The following ARHGEF3 variants were observed in gnomAD, a reference collection of about 807,000 sequenced individuals.
ARHGEF3 encodes Rho guanine nucleotide exchange factor 3.
In ARHGEF3, 28 loss-of-function variants were observed where a neutral mutation model predicts 63.2. The observed-to-expected ratio is 0.44, with a 90% confidence interval of 0.33 to 0.61. The LOEUF is 0.61. Among genes scored for constraint, ARHGEF3 ranks in the 20% least tolerant of loss-of-function variants. The probability of loss-of-function intolerance (pLI) is 0.03; values close to 1 mark genes in which losing one functional copy is unlikely to be tolerated. For synonymous variants in ARHGEF3, 266 were observed against 254.2 expected, an observed-to-expected ratio of 1.05 and a Z score of -0.44; for missense variants, 533 against 659.3, an observed-to-expected ratio of 0.81 and a Z score of 2.10.
At chr3:56,989,635 A>G (rs1701671847) in intron 2 of ARHGEF3, among the ~76,000 whole-genome samples, 1 of 152,164 alleles carries the variant, frequency 6.6e-6, no homozygotes, top group Admixed American at 6.5e-5. Context: ...ACTCAAGCCC[A>G]GGACAGCACT....
chr3:56,858,819 G>T (rs2039971167), intron 4 of ARHGEF3, among the ~76,000 whole-genome samples: 1 of 151,642 alleles, frequency 6.6e-6, no homozygotes, highest in South Asian at 2.1e-4. Flanking sequence ...GGGAAATGAG[G>T]TTGGCAGGTG....
At chr3:56,793,880 T>C (rs1307097518) in intron 1 of ARHGEF3, among the ~76,000 whole-genome samples, 1 of 152,254 alleles carries the variant, frequency 6.6e-6, no homozygotes, top group Non-Finnish European at 1.5e-5. Flanking sequence ...ATTAGTGTAC[T>C]TCTCTTGTCT....
intron 3 of ARHGEF3, among the ~76,000 whole-genome samples, chr3:56,958,509 T>C (rs954745965): frequency 1.3e-5 from 2 of 151,916 alleles, no homozygotes; most frequent in Non-Finnish European, 2.9e-5. Flanking sequence ...TCATATTTTT[T>C]TTTGTAGAGT....
chr3:56,867,814 T>C (rs1392616326), intron 4 of ARHGEF3, among the ~76,000 whole-genome samples: 2 of 152,076 alleles, frequency 1.3e-5, no homozygotes, highest in East Asian at 1.9e-4. Context: ...AGTCTAAGAA[T>C]ATTTGAGCAG....
intron 2 of ARHGEF3, among the ~76,000 whole-genome samples, chr3:57,020,759 G>A (rs1391105863): frequency 2.0e-5 from 3 of 152,224 alleles, no homozygotes; most frequent in Non-Finnish European, 2.9e-5. Flanking sequence ...CACCATGCCT[G>A]AGGCTATCTA....
At chr3:56,958,152 T>A (rs1336986103) in intron 3 of ARHGEF3, among the ~76,000 whole-genome samples, 1 of 152,106 alleles carries the variant, frequency 6.6e-6, no homozygotes, top group African/African-American at 2.4e-5. Flanking sequence ...CATTTCTGAT[T>A]TCTTTTTTCC....
chr3:56,810,578 T>C (rs2108002097), intron 4 of ARHGEF3, among the ~76,000 whole-genome samples: 1 of 152,242 alleles, frequency 6.6e-6, no homozygotes, highest in Admixed American at 6.5e-5. Context: ...TTAAATTATA[T>C]GATCAATTGT....
chr3:56,974,887 G>A (rs1451185445), intron 2 of ARHGEF3, among the ~76,000 whole-genome samples: 14 of 152,118 alleles, frequency 9.2e-5, no homozygotes, highest in African/African-American at 3.4e-4. Flanking sequence ...GTTCTTTCCC[G>A]AGAGTGTATT....
chr3:56,884,313 G>A (rs2040854822), intron 3 of ARHGEF3, among the ~76,000 whole-genome samples: 1 of 152,148 alleles, frequency 6.6e-6, no homozygotes, highest in Admixed American at 6.5e-5. Context: ...TGTGAGGGAG[G>A]TCTTCCCAGA....
intron 4 of ARHGEF3, among the ~76,000 whole-genome samples, chr3:56,866,160 G>A: frequency 6.6e-6 from 1 of 152,158 alleles, no homozygotes; most frequent in South Asian, 2.1e-4. Flanking sequence ...GTGAGATCCT[G>A]TCTCAAAACA....
intron 7 of ARHGEF3, among the ~76,000 whole-genome samples, chr3:56,739,011 C>T (rs2033829674): frequency 6.6e-6 from 1 of 152,104 alleles, no homozygotes; most frequent in African/African-American, 2.4e-5. Flanking sequence ...GGGAAAATCG[C>T]TTGAACCTGG....
intron 6 of ARHGEF3, among the ~76,000 whole-genome samples, chr3:56,747,566 G>A (rs533270235): frequency 5.3e-5 from 8 of 152,276 alleles, no homozygotes; most frequent in South Asian, 2.1e-4. Flanking sequence ...GGCCGGGTGC[G>A]GTGGTTCACG....
rs186920003 is a variant in ARHGEF3, at chr3:56,941,760, C to T, written c.129+17063G>A. On this transcript the variant is annotated intron_variant, in intron 3 of 12. Transcript: ENST00000338458. ...ACTCCATATTGTTGTTCATCAGTGA[C>T]GAGACTTCTTTCTATGTATATATTA... is the stretch of plus-strand genomic sequence containing the variant. Among the ~76,000 whole-genome samples the T allele has an allele frequency of 1.4e-4, 21 of 152,244 alleles. 1 individual carries two copies. Among genetic ancestry groups the T allele is most frequent in the African/African-American group, 4.3e-4 (18 of 41,530 alleles).
At chr3:57,057,715 G>A (rs963410190) in intron 1 of ARHGEF3, among the ~76,000 whole-genome samples, 3 of 152,118 alleles carry the variant, frequency 2.0e-5, no homozygotes, top group African/African-American at 7.2e-5. Context: ...AATTTGAGTG[G>A]TCAACTCATT....
chr3:56,957,977 T>C (rs1486278828), intron 3 of ARHGEF3, among the ~76,000 whole-genome samples: 1 of 152,160 alleles, frequency 6.6e-6, no homozygotes, highest in Non-Finnish European at 1.5e-5. Context: ...CATCAAGAAG[T>C]TCAATCTGAC....
chr3:56,992,255 T>A, intron 2 of ARHGEF3, among the ~76,000 whole-genome samples: 1 of 150,624 alleles, frequency 6.6e-6, no homozygotes, highest in African/African-American at 2.4e-5. Context: ...TGTACAAGAG[T>A]CAGAGAAAAA....
At chr3:56,907,085 G>A (rs1351143977) in intron 3 of ARHGEF3, among the ~76,000 whole-genome samples, 1 of 146,068 alleles carries the variant, frequency 6.8e-6, no homozygotes, top group African/African-American at 2.5e-5. Context: ...GGGTTCAAGT[G>A]ATTCTCCTGC....
intron 2 of ARHGEF3, among the ~76,000 whole-genome samples, chr3:57,028,542 T>G (rs1314441052): frequency 1.2e-5 from 1 of 82,604 alleles, no homozygotes; most frequent in African/African-American, 4.9e-5. Flanking sequence ...GGGACTGTGG[T>G]GGGGTGGGGG....
In ARHGEF3 at chr3:57,074,179, G is replaced by A. The variant is rs1219057174; in HGVS notation, c.-28+5047C>T. The A allele has an allele frequency of 5.0e-6, 8 of 1,614,110 alleles. No individual in the cohort carries two copies. Among genetic ancestry groups the A allele is most frequent in the South Asian group, 1.1e-5 (1 of 91,086 alleles). ...GAGCCCAGTAGCACAGGGTGCAGCC[G>A]TTCAAACCAACTGACATTTACTGAG... On this transcript the variant is annotated intron_variant, in intron 1 of 12. Coordinates refer to the ARHGEF3 transcript ENST00000338458.
Sources: allele counts gnomAD v4.1 joint callset (sites outside exome capture counted in the v4.1 genomes callset), GRCh38; gene constraint gnomAD v4.1.1; transcripts MANE v1.5; gene names NCBI Gene and HGNC (gene_info 2026-07-23, HGNC 2026-07-21).